Variants in DACH2 observed in about 807,000 individuals in gnomAD.
The protein encoded by DACH2 is dachshund homolog 2.
In DACH2, 17 loss-of-function variants were observed where a neutral mutation model predicts 35.8. The observed-to-expected ratio is 0.48, with a 90% CI of 0.33 to 0.71. The LOEUF (loss-of-function observed/expected upper bound fraction) is 0.71. Among genes scored for constraint, DACH2 ranks in the 30% least tolerant of loss-of-function variants. The pLI, the probability that DACH2 is intolerant of heterozygous loss-of-function variation, is 0.02. For missense variants in DACH2, 469 were observed against 472.7 expected, an observed-to-expected ratio of 0.99 and a Z score of 0.07; for synonymous variants, 195 against 177.3, an observed-to-expected ratio of 1.10 and a Z score of -0.79.
chrX:86,539,804 G>T (rs1463751060), intron 3 of DACH2, among the ~76,000 whole-genome samples: 1 of 111,440 alleles, frequency 9.0e-6, no homozygotes, highest in Non-Finnish European at 1.9e-5. Context: ...GATTATGAAT[G>T]TAAACAACTT....
At chrX:86,513,363 T>C (rs2038421762) in intron 2 of DACH2, among the ~76,000 whole-genome samples, 4 of 111,872 alleles carry the variant, frequency 3.6e-5, no homozygotes. Context: ...AAAGTAATAT[T>C]TGAAATATAT....
chrX:86,743,831 C>A (rs1438577279), intron 7 of DACH2, among the ~76,000 whole-genome samples: 1 of 111,138 alleles, frequency 9.0e-6, no homozygotes, highest in Non-Finnish European at 1.9e-5. Context: ...TTAAACTACC[C>A]AAACTCTTGC....
At chrX:86,773,968 T>C (rs987997482) in intron 7 of DACH2, among the ~76,000 whole-genome samples, 8 of 112,083 alleles carry the variant, frequency 7.1e-5, no homozygotes, top group African/African-American at 2.6e-4. Flanking sequence ...CTGAATCACA[T>C]GGTAGCTTTA....
chrX:86,570,984 G>A (rs1392613506), intron 3 of DACH2, among the ~76,000 whole-genome samples: 1 of 110,962 alleles, frequency 9.0e-6, no homozygotes, highest in African/African-American at 3.3e-5. Context: ...TATAGTTTGT[G>A]ATTTTGTTTT....
chrX:86,642,716 T>C (rs189265419), intron 3 of DACH2, among the ~76,000 whole-genome samples: 10,321 of 110,810 alleles, frequency 0.093, 488 homozygotes, highest in African/African-American at 0.17. Flanking sequence ...CATAAAACAA[T>C]CCCCAACAAA....
rs143922042 is a variant in DACH2, at chrX:86,475,768, T to C, written c.528-38511T>C. On this transcript the variant is annotated intron_variant, in intron 2 of 11. Coordinates refer to ENST00000373125, the MANE Select transcript of DACH2 (RefSeq NM_053281.3). ...GGCATCCTTGTTGTGTTTCAGATCT[T>C]AGAGGAACGGCTTTTACTCTTTTCC... 8.0e-5 allele frequency among the ~76,000 whole-genome samples: 9 copies of C among 112,148 alleles called. No homozygotes were observed. The East Asian group carries it at 2.5e-3, about 32-fold the overall frequency.
At chrX:86,681,197 C>T (rs185477280) in intron 4 of DACH2, among the ~76,000 whole-genome samples, 1 of 111,483 alleles carries the variant, frequency 9.0e-6, no homozygotes, top group Admixed American at 9.6e-5. Flanking sequence ...TTGTTTTGGT[C>T]AAGAAAAGCA....
intron 7 of DACH2, among the ~76,000 whole-genome samples, chrX:86,805,046 A>G (rs1411307000): frequency 8.9e-6 from 1 of 112,206 alleles, no homozygotes; most frequent in East Asian, 2.8e-4. Context: ...CAGTGCCCCA[A>G]TGGGGACTCT....
At chrX:86,219,859 CAA>C (rs1186890073) in intron 1 of DACH2, among the ~76,000 whole-genome samples, 1 of 109,230 alleles carries the variant, frequency 9.2e-6, no homozygotes, top group Non-Finnish European at 1.9e-5. Flanking sequence ...CCATCACCTC[CAA>C]AAGTTTTCTC....
At chrX:86,245,235 G>C (rs2033253687) in intron 1 of DACH2, among the ~76,000 whole-genome samples, 1 of 111,545 alleles carries the variant, frequency 9.0e-6, no homozygotes, top group African/African-American at 3.3e-5. Flanking sequence ...CCCCGCCACT[G>C]TCAGGACATG....
rs1472712904 is a variant in DACH2 at position 86,533,313 on chromosome X, C to G, written c.640+18922C>G. ...TTTTACATTTATTTTTATTAATTAT[C>G]TGTCCCTTGCTTGAAACTCTTCTAT... On this transcript the variant is annotated intron_variant, in intron 3 of 11. Coordinates refer to ENST00000373125, the MANE Select transcript of DACH2 (RefSeq NM_053281.3). Among the ~76,000 whole-genome samples, 17 of 112,241 alleles carry G rather than the reference C, an allele frequency of 1.5e-4. No individual in the cohort carries two copies. The Admixed American group carries it at 1.6e-3, about 11-fold the overall frequency.
chrX:86,548,136 C>T (rs1375379505), intron 3 of DACH2, among the ~76,000 whole-genome samples: 1 of 111,519 alleles, frequency 9.0e-6, no homozygotes, highest in Non-Finnish European at 1.9e-5. Context: ...ATTTATTATG[C>T]TTATTTCAGC....
chrX:86,808,062 T>C (rs866183767), intron 7 of DACH2, among the ~76,000 whole-genome samples: 14 of 111,752 alleles, frequency 1.3e-4, no homozygotes, highest in Middle Eastern at 4.6e-3. Context: ...CAAAGTACAG[T>C]GATCTCTTCT....
At chrX:86,297,043 G>GTGTATATATATA (rs1411917050) in intron 1 of DACH2, among the ~76,000 whole-genome samples, 48 of 89,933 alleles carry the variant, frequency 5.3e-4, no homozygotes, top group African/African-American at 2.1e-3. Context: ...ATATAATTGT[G>GTGTATATATATA]TATATATATA....
At position 86,670,313 on chromosome X, in the gene DACH2, A is replaced by G. The variant is rs142837195; in HGVS notation, c.772+19146A>G. ...ATTGTGTAGTGTGCCATTGCATTCT[A>G]TATGTTATGCTGAGAGTTATGTGGA... On this transcript the variant is annotated intron_variant, in intron 4 of 11. Transcript: ENST00000373125. Among the ~76,000 whole-genome samples, 871 of 111,349 alleles carry G rather than the reference A, an allele frequency of 7.8e-3. 12 individuals carry two copies. Among genetic ancestry groups the G allele is most frequent in the African/African-American group, 0.027 (834 of 30,672 alleles).
intron 1 of DACH2, among the ~76,000 whole-genome samples, chrX:86,222,977 G>A (rs992740783): frequency 2.7e-5 from 3 of 111,800 alleles, no homozygotes; most frequent in South Asian, 7.4e-4. Flanking sequence ...TGAAAGCAGA[G>A]AGAAAAGTTT....
intron 1 of DACH2, among the ~76,000 whole-genome samples, chrX:86,178,873 A>G (rs1602257942): frequency 8.9e-6 from 1 of 112,122 alleles, no homozygotes; most frequent in South Asian, 3.7e-4. Context: ...TACATTCATA[A>G]CACAAGAAAA....
chrX:86,616,652 G>A (rs1389147536), intron 3 of DACH2, among the ~76,000 whole-genome samples: 1 of 111,944 alleles, frequency 8.9e-6, no homozygotes, highest in Non-Finnish European at 1.9e-5. Context: ...GTTCCTTATA[G>A]ATGCTACATA....
rs1220532855 is a variant in DACH2, at chrX:86,274,457, TTTTTTTTC to T, written c.489-102359_489-102352del. Among the ~76,000 whole-genome samples the T allele has an allele frequency of 1.2e-4, 8 of 64,142 alleles. No homozygotes were observed. The East Asian group carries it at 2.7e-3, about 22-fold the overall frequency. The allele number at this position is 64,142 out of a possible 115,157, so 55.7% of individuals were successfully genotyped here. A position where few individuals can be genotyped will look rare whatever the true frequency, so the allele number is the denominator to read the frequency against. On this transcript the variant is annotated intron_variant, in intron 1 of 11. Coordinates refer to ENST00000373125, the MANE Select transcript of DACH2 (RefSeq NM_053281.3). The stretch of plus-strand genomic sequence containing the variant: ...GAGCTAATAACATTAAATCCTTTTT[TTTTTTTTC>T]TTTTTTTTTTGAGACGGAGTCTTTC...
Sources: gnomAD v4.1 joint callset for allele counts (sites outside exome capture counted in the v4.1 genomes callset) on GRCh38, gnomAD v4.1.1 for gene constraint, MANE v1.5 for transcripts, NCBI Gene and HGNC (gene_info 2026-07-23, HGNC 2026-07-21) for gene names.